Variants in COL6A2 observed in about 807,000 individuals in gnomAD.
The protein encoded by COL6A2 is collagen type VI alpha 2 chain, also known as collagen alpha-2(VI) chain.
COL6A2 carries 90 observed loss-of-function variants against 124.9 expected under a neutral mutation model. The ratio of observed to expected loss-of-function variants is 0.72; its 90% CI spans 0.61 to 0.86. COL6A2 has a LOEUF of 0.86. COL6A2 is among the 40% of genes least tolerant of loss of function. The pLI, the probability that COL6A2 is intolerant of heterozygous loss-of-function variation, is 0.00. For missense variants in COL6A2, 1,607 were observed against 1,502.5 expected, an observed-to-expected ratio of 1.07 and a Z score of -1.15; for synonymous variants, 793 against 618.2, an observed-to-expected ratio of 1.28 and a Z score of -4.19.
At chr21:46,131,828 C>A (rs961939775) in intron 27 of COL6A2, 126 bp from the exon 28 acceptor site, 2 of 925,612 alleles carry the variant, frequency 2.2e-6, no homozygotes, top group Non-Finnish European at 3.3e-6. Flanking sequence ...GAAACGCCCC[C>A]GCAGAGCCCA....
Position 46,117,473 on chromosome 21 carries a change from C to T in COL6A2, c.1053+20C>T. 1 of 1,611,750 alleles carries T rather than the reference C, an allele frequency of 6.2e-7. No homozygotes were observed. Among genetic ancestry groups the T allele is most frequent in the African/African-American group, 1.3e-5 (1 of 75,018 alleles). On this transcript the variant is annotated intron_variant, in intron 11 of 27. Transcript: ENST00000300527. Reference sequence around the variant, plus strand: ...AACCGGGTAAGGGCCGTTTGCACCCCTCCTTCAGCCTCGGCCCAGGGGGTG... The same window carrying T: ...AACCGGGTAAGGGCCGTTTGCACCCTTCCTTCAGCCTCGGCCCAGGGGGTG...
In COL6A2 at chr21:46,117,975, C is replaced by T. The variant is rs180796593; in HGVS notation, c.1116+39C>T. 1.4e-3 allele frequency: 2,232 copies of T among 1,587,438 alleles called. 45 individuals are homozygous for T. In the Admixed American group the frequency reaches 0.033, roughly 24 times the overall value. On this transcript the variant is annotated intron_variant, in intron 12 of 27. Coordinates refer to ENST00000300527, the MANE Select transcript of COL6A2 (RefSeq NM_001849.4). ...TCAGGGTACGGGGCAGGCGGGGTCA[C>T]CAGCTTCCAGGGGCCTCCTGGAGGC...
chr21:46,119,567 G>A (rs904073579), intron 14 of COL6A2, among the ~76,000 whole-genome samples: 3 of 152,174 alleles, frequency 2.0e-5, no homozygotes, highest in Non-Finnish European at 2.9e-5. Flanking sequence ...CTAAATCCTC[G>A]GCATGGGCGG....
intron 21 of COL6A2, among the ~76,000 whole-genome samples, chr21:46,123,708 G>C (rs1481346140): frequency 1.4e-5 from 1 of 69,016 alleles, no homozygotes. Context: ...TGGGTAGATG[G>C]ATGGGTGGGT....
At chr21:46,123,891 G>A (rs1247449594) in intron 21 of COL6A2, among the ~76,000 whole-genome samples, 3 of 26,634 alleles carry the variant, frequency 1.1e-4, no homozygotes, top group Non-Finnish European at 2.6e-4. Context: ...GGGTGAGTCA[G>A]TGGATAGATG....
intron 27 of COL6A2, among the ~76,000 whole-genome samples, chr21:46,128,300 C>T (rs2078704941): frequency 6.6e-6 from 1 of 152,246 alleles, no homozygotes; most frequent in Non-Finnish European, 1.5e-5. Flanking sequence ...CTCTCGGCCG[C>T]CCTGACACCT....
chr21:46,121,040 A>G (rs1383311110), intron 16 of COL6A2, 21 bp from the exon 17 acceptor site: 1 of 1,612,206 alleles, frequency 6.2e-7, no homozygotes, highest in Non-Finnish European at 8.5e-7. Flanking sequence ...GAGAACCCCA[A>G]ATTCCTCCCC....
intron 27 of COL6A2, 93 bp from the exon 28 acceptor site, chr21:46,131,861 G>A (rs909854824): frequency 1.3e-5 from 16 of 1,192,908 alleles, no homozygotes; most frequent in Non-Finnish European, 1.9e-5. Context: ...GTTGCAGGCA[G>A]GGTGCGAATG....
At chr21:46,120,969 C>A in intron 16 of COL6A2, 92 bp from the exon 17 acceptor site, 1 of 1,245,598 alleles carries the variant, frequency 8.0e-7, no homozygotes. Flanking sequence ...GTCTTACCCC[C>A]GAGGCCCTGC....
At position 46,129,341 on chromosome 21, in the gene COL6A2, G is replaced by A. The variant is rs2123679751; in HGVS notation, c.2462-2613G>A. On this transcript the variant is annotated intron_variant, in intron 27 of 27. Transcript: ENST00000300527. Reference sequence around the variant, plus strand: ...CGCAGGACCCGGCCGCCTACTCCCAGCTGGTGGCCGTGCTGGTCTACACCG... The same window carrying A: ...CGCAGGACCCGGCCGCCTACTCCCAACTGGTGGCCGTGCTGGTCTACACCG... 1.9e-6 allele frequency: 3 copies of A among 1,612,924 alleles called. 1 individual carries two copies. The highest frequency in any genetic ancestry group is 2.2e-5 in the South Asian group (2 of 91,088).
At position 46,116,668 on chromosome 21, in the gene COL6A2, C is replaced by T. The variant is rs549800720; in HGVS notation, c.945C>T (p.Asp315=). The stretch of plus-strand genomic sequence containing the variant: ...CTACACAGGGTGAATTTGGAGCCGA[C>T]GGTCGCAAGGTAGGCTGGCTGGGTA... The part of the protein sequence containing the change: ...FKGEKGEFGA[D]GRKGAPGLAG... The change falls in exon 9 of 28, where the codon GAC becomes GAT. Residue 315 remains aspartate (D), a synonymous_variant. Transcript: ENST00000300527. The surrounding 1 kb of genome is among the most constrained non-coding windows in gnomAD (Gnocchi z 4.6). 28 of 1,613,036 alleles carry T rather than the reference C, an allele frequency of 1.7e-5. No individual in the cohort carries two copies. Among genetic ancestry groups the T allele is most frequent in the African/African-American group, 1.5e-4 (11 of 75,046 alleles).
In COL6A2 at chr21:46,117,990, C is replaced by T. The variant is rs1408982186; in HGVS notation, c.1116+54C>T. On this transcript the variant is annotated intron_variant, in intron 12 of 27. Coordinates refer to ENST00000300527, the MANE Select transcript of COL6A2 (RefSeq NM_001849.4). ...GGCGGGGTCACCAGCTTCCAGGGGC[C>T]TCCTGGAGGCAGCCCCAGCTGAGAA... 20 of 1,542,936 alleles carry T rather than the reference C, an allele frequency of 1.3e-5. No homozygotes were observed. The African/African-American group carries it at 1.8e-4, about 14-fold the overall frequency.
At chr21:46,125,150 G>C in intron 23 of COL6A2, 116 bp from the exon 24 acceptor site, 1 of 1,123,142 alleles carries the variant, frequency 8.9e-7, no homozygotes, top group Non-Finnish European at 1.3e-6. Flanking sequence ...CAGCCTCCCC[G>C]CATGGCTGCC....
intron 20 of COL6A2, 35 bp from the exon 21 acceptor site, chr21:46,122,840 C>A (rs774573220): frequency 6.3e-7 from 1 of 1,599,728 alleles, no homozygotes; most frequent in South Asian, 1.1e-5. Context: ...GAGACAGCTC[C>A]TCTGTCCCAG....
intron 27 of COL6A2, among the ~76,000 whole-genome samples, chr21:46,130,041 G>A (rs904732927): frequency 2.6e-5 from 4 of 152,214 alleles, no homozygotes; most frequent in African/African-American, 2.4e-5. Flanking sequence ...CACTAATCCC[G>A]TGCATGGTGA....
At chr21:46,125,375 G>A in intron 24 of COL6A2, 64 bp downstream of exon 24, 1 of 1,605,594 alleles carries the variant, frequency 6.2e-7, no homozygotes, top group Non-Finnish European at 8.5e-7. Context: ...AGTGCAGCAG[G>A]GCTGGGTCAT....
At chr21:46,126,616 G>A (rs1389994089) in intron 27 of COL6A2, 75 bp downstream of exon 27, 1 of 1,581,398 alleles carries the variant, frequency 6.3e-7, no homozygotes, top group Non-Finnish European at 8.7e-7. Context: ...CGAGGGCCGG[G>A]CTGGGGGAGG....
At chr21:46,122,632 G>A (rs878981067) in intron 20 of COL6A2, 101 bp downstream of exon 20, 1 of 1,350,728 alleles carries the variant, frequency 7.4e-7, no homozygotes, top group South Asian at 1.2e-5. Flanking sequence ...GACCACCCCT[G>A]TCTTGAGATG....
rs555240577 is a variant in COL6A2 at position 46,111,380 on chromosome 21, G to A, written c.-27-70G>A. 1.6e-3 allele frequency: 1,334 copies of A among 850,342 alleles called. 6 individuals carry two copies. Among genetic ancestry groups the A allele is most frequent in the Middle Eastern group, 3.1e-3 (10 of 3,194 alleles). 52.7% of individuals were successfully genotyped at this position (850,342 alleles called of 1,614,324 possible). On this transcript the variant is annotated intron_variant, in intron 1 of 27. Coordinates refer to ENST00000300527, the MANE Select transcript of COL6A2 (RefSeq NM_001849.4). ...AATCCCGCTGACCTGCTGTGCGTGC[G>A]CCTGCCATGGGGGAGGGTGCCAGGG...
Sources: gnomAD v4.1 joint callset for allele counts (sites outside exome capture counted in the v4.1 genomes callset) on GRCh38, gnomAD v4.1.1 for gene constraint, Gnocchi (gnomAD v3.1) non-coding constraint, MANE v1.5 for transcripts, NCBI Gene and HGNC (gene_info 2026-07-23, HGNC 2026-07-21) for gene names.